The following CMBL variants were observed in gnomAD, a reference collection of about 807,000 sequenced individuals.
CMBL encodes carboxymethylenebutenolidase homolog (Pseudomonas).
Under a neutral mutation model 28.7 loss-of-function variants are expected in CMBL, and 17 were observed. The ratio of observed to expected loss-of-function variants is 0.59; its 90% CI spans 0.41 to 0.89. The LOEUF (loss-of-function observed/expected upper bound fraction) is 0.89, where lower values mean the gene tolerates loss of function less well. Ranked by LOEUF, CMBL falls within the 40% of genes least tolerant of loss-of-function variation. The pLI is 0.00. For missense variants in CMBL, 310 were observed against 298.5 expected, an observed-to-expected ratio of 1.04 and a Z score of -0.28; for synonymous variants, 106 against 101.6, an observed-to-expected ratio of 1.04 and a Z score of -0.26.
In CMBL at chr5:10,290,453, T is replaced by C. The variant is rs1423214131; in HGVS notation, c.215+95A>G. ...TTTCTAATGTACAGTAGATACTGTA[T>C]AGTCAGACCGCTGTGGTTTTATTTT... On this transcript the variant is annotated intron_variant, in intron 2 of 5. Coordinates refer to ENST00000296658, the MANE Select transcript of CMBL (RefSeq NM_138809.4). 5.1e-6 allele frequency: 5 copies of C among 986,210 alleles called. No individual in the cohort carries two copies. The African/African-American group carries it at 6.4e-5, about 13-fold the overall frequency. The allele number at this position is 986,210 out of a possible 1,614,324, so 61.1% of individuals were successfully genotyped here.
At chr5:10,301,418 T>C (rs1482157867) in intron 1 of CMBL, among the ~76,000 whole-genome samples, 4 of 151,984 alleles carry the variant, frequency 2.6e-5, no homozygotes, top group Non-Finnish European at 5.9e-5. Context: ...TTTGACACCA[T>C]TTCAGAAAAA....
intron 3 of CMBL, among the ~76,000 whole-genome samples, chr5:10,288,015 G>C (rs193115164): frequency 8.7e-5 from 13 of 148,842 alleles, no homozygotes; most frequent in Non-Finnish European, 1.9e-4. Context: ...ACGGGTGTGA[G>C]CCACCATGCC....
At chr5:10,296,709 CG>C (rs1746816342) in intron 1 of CMBL, among the ~76,000 whole-genome samples, 1 of 152,056 alleles carries the variant, frequency 6.6e-6, no homozygotes, top group South Asian at 2.1e-4. Flanking sequence ...CAGCCAGTGA[CG>C]GGGGAGGAAG....
At chr5:10,283,073 A>G (rs1746526804) in intron 4 of CMBL, among the ~76,000 whole-genome samples, 1 of 150,116 alleles carries the variant, frequency 6.7e-6, no homozygotes, top group Non-Finnish European at 1.5e-5. Context: ...TCTGGGCAAC[A>G]GAGCAAGACT....
chr5:10,303,552 C>T (rs1278453532), intron 1 of CMBL, among the ~76,000 whole-genome samples: 2 of 152,154 alleles, frequency 1.3e-5, no homozygotes, highest in Admixed American at 1.3e-4. Flanking sequence ...GATGTTCTAA[C>T]AGGCTTGAAG....
At position 10,278,533 on chromosome 5, in the gene CMBL, C is replaced by T. The variant is rs1405729179; in HGVS notation, c.*1920G>A. Reference sequence around the variant, plus strand: ...CCAGGGGAAACCTGCATAGATGACACCCTGGGCCCCAGTGAAGGCTTTGGC... The same window carrying T: ...CCAGGGGAAACCTGCATAGATGACATCCTGGGCCCCAGTGAAGGCTTTGGC... On this transcript the variant is annotated 3_prime_UTR_variant, in exon 6 of 6. Coordinates refer to ENST00000296658, the MANE Select transcript of CMBL (RefSeq NM_138809.4). 3.3e-5 allele frequency among the ~76,000 whole-genome samples: 5 copies of T among 152,132 alleles called. No homozygotes were observed. The highest frequency in any genetic ancestry group is 1.2e-4 in the African/African-American group (5 of 41,434).
rs1478077223 is a variant in CMBL at position 10,278,037 on chromosome 5, G to A, written c.*2416C>T. On this transcript the variant is annotated 3_prime_UTR_variant, in exon 6 of 6. Transcript: ENST00000296658. The stretch of plus-strand genomic sequence containing the variant: ...CCTGGGAGCAGCCCTCAGCAGGCAA[G>A]GGCTTTGGCCTGTTGGGGTCCACAA... Among the ~76,000 whole-genome samples, 1 of 152,064 alleles carries A rather than the reference G, an allele frequency of 6.6e-6. No homozygotes were observed. Among genetic ancestry groups the A allele is most frequent in the Non-Finnish European group, 1.5e-5 (1 of 68,012 alleles).
intron 1 of CMBL, among the ~76,000 whole-genome samples, chr5:10,303,214 C>T (rs1746942212): frequency 6.6e-6 from 1 of 152,210 alleles, no homozygotes; most frequent in Admixed American, 6.5e-5. Context: ...AGTTGTCCCA[C>T]CTTTCCAGAC....
At chr5:10,301,735 G>A (rs1176325357) in intron 1 of CMBL, among the ~76,000 whole-genome samples, 4 of 151,408 alleles carry the variant, frequency 2.6e-5, no homozygotes, top group African/African-American at 7.3e-5. Flanking sequence ...CCAAGTAGCT[G>A]GGACTACAGG....
At chr5:10,303,760 A>G (rs1484677883) in intron 1 of CMBL, among the ~76,000 whole-genome samples, 1 of 152,122 alleles carries the variant, frequency 6.6e-6, no homozygotes, top group Non-Finnish European at 1.5e-5. Context: ...CTGACTCACT[A>G]ATCACCATGA....
chr5:10,281,064 G>A (rs144920059), intron 5 of CMBL, among the ~76,000 whole-genome samples: 7 of 152,336 alleles, frequency 4.6e-5, no homozygotes, highest in East Asian at 3.9e-4. Flanking sequence ...GTGAGCCACG[G>A]CGCCCGGCCT....
At chr5:10,306,303 T>C (rs1482280751) in intron 1 of CMBL, among the ~76,000 whole-genome samples, 4 of 152,088 alleles carry the variant, frequency 2.6e-5, no homozygotes, top group Admixed American at 6.6e-5. Flanking sequence ...GTTGGGATTA[T>C]AACAAGCAGG....
chr5:10,288,767 G>A (rs537416294), intron 2 of CMBL, among the ~76,000 whole-genome samples: 1 of 152,340 alleles, frequency 6.6e-6, no homozygotes, highest in African/African-American at 2.4e-5. Context: ...ACCCAGCCCT[G>A]GCAATGAGGC....
chr5:10,284,984 C>T (rs1746570679), intron 4 of CMBL, among the ~76,000 whole-genome samples: 1 of 150,718 alleles, frequency 6.6e-6, no homozygotes, highest in Non-Finnish European at 1.5e-5. Flanking sequence ...TTTTCCTTGG[C>T]TTTCTTTCCT....
chr5:10,277,830 A>G lies in CMBL; in HGVS notation c.*2623T>C, dbSNP rs1022886725. ...GGACTCAGCAGAGGGAAGGCTGCCC[A>G]GGCCCCAAGCTCACCATGAAGGATA... On this transcript the variant is annotated 3_prime_UTR_variant, in exon 6 of 6. Coordinates refer to ENST00000296658, the MANE Select transcript of CMBL (RefSeq NM_138809.4). Among the ~76,000 whole-genome samples the G allele has an allele frequency of 1.3e-5, 2 of 152,232 alleles. No individual in the cohort carries two copies. The highest frequency in any genetic ancestry group is 4.8e-5 in the African/African-American group (2 of 41,466).
At chr5:10,304,387 C>T (rs1265416673) in intron 1 of CMBL, among the ~76,000 whole-genome samples, 1 of 152,000 alleles carries the variant, frequency 6.6e-6, no homozygotes, top group Admixed American at 6.6e-5. Flanking sequence ...TTAGCTAATC[C>T]ATTATTTTAA....
intron 3 of CMBL, among the ~76,000 whole-genome samples, chr5:10,287,820 C>T (rs1746632828): frequency 6.6e-6 from 1 of 151,868 alleles, no homozygotes; most frequent in Non-Finnish European, 1.5e-5. Flanking sequence ...AAGCAATTCT[C>T]ATGCCTCAGC....
At chr5:10,306,276 C>A (rs1746998982) in intron 1 of CMBL, among the ~76,000 whole-genome samples, 1 of 152,092 alleles carries the variant, frequency 6.6e-6, no homozygotes, top group Admixed American at 6.6e-5. Flanking sequence ...TTTTGACAAG[C>A]AAAAGGGACT....
intron 4 of CMBL, among the ~76,000 whole-genome samples, chr5:10,282,778 T>TCAAAA (rs539249552): frequency 6.7e-6 from 1 of 150,226 alleles, no homozygotes; most frequent in African/African-American, 2.5e-5. Flanking sequence ...TGAGACCCCG[T>TCAAAA]CAAAACAAAA....
Sources: allele counts gnomAD v4.1 joint callset (sites outside exome capture counted in the v4.1 genomes callset), GRCh38; gene constraint gnomAD v4.1.1; transcripts MANE v1.5; gene names NCBI Gene and HGNC (gene_info 2026-07-23, HGNC 2026-07-21).